The following MTR variants were observed in gnomAD, a reference collection of about 807,000 sequenced individuals.
MTR encodes methionine synthase.
A neutral mutation model predicts 154.8 loss-of-function variants in MTR; 84 were observed. That is an observed-to-expected ratio of 0.54 (90% confidence interval 0.45 to 0.65). The LOEUF (loss-of-function observed/expected upper bound fraction) is 0.65, where lower values mean the gene tolerates loss of function less well. Ranked by LOEUF, MTR falls within the 30% of genes least tolerant of loss-of-function variation. The pLI, the probability that MTR is intolerant of heterozygous loss-of-function variation, is 0.00. For synonymous variants in MTR, 554 were observed against 553.9 expected (o/e 1.00, Z 0.00); for missense variants, 1,275 against 1,570.2 (o/e 0.81, Z 3.18).
chr1:236,843,627 AT>A (rs904331037), intron 15 of MTR, among the ~76,000 whole-genome samples: 38 of 152,216 alleles, frequency 2.5e-4, no homozygotes, highest in African/African-American at 8.9e-4. Context: ...CAGATGAGAT[AT>A]GGTGATGGTT....
rs146647494 is a variant in MTR, at chr1:236,814,921, T to C, written c.610-683T>C. On this transcript the variant is annotated intron_variant, in intron 6 of 32. Transcript: ENST00000366577. The stretch of plus-strand genomic sequence containing the variant: ...CATCACAGGAAAGATGCACATTAAT[T>C]ACAGGTTGCATTCTGATTTCAGAGA... Among the ~76,000 whole-genome samples, 224 of 152,356 alleles carry C rather than the reference T, an allele frequency of 1.5e-3. 1 individual carries two copies. Among genetic ancestry groups the C allele is most frequent in the African/African-American group, 4.8e-3 (201 of 41,582 alleles).
intron 2 of MTR, among the ~76,000 whole-genome samples, chr1:236,804,689 C>T (rs1660878984): frequency 6.6e-6 from 1 of 152,046 alleles, no homozygotes; most frequent in Admixed American, 6.6e-5. Context: ...TAAAACAAAT[C>T]TCGTAGATAA....
intron 12 of MTR, among the ~76,000 whole-genome samples, chr1:236,829,604 C>G (rs1048448811): frequency 1.3e-5 from 2 of 152,162 alleles, no homozygotes; most frequent in Non-Finnish European, 2.9e-5. Context: ...CAGGTTGATA[C>G]TAGTTACTGA....
chr1:236,826,752 G>A, intron 10 of MTR, 77 bp from the exon 11 acceptor site: 5 of 1,144,906 alleles, frequency 4.4e-6, no homozygotes, highest in Non-Finnish European at 6.6e-6. Context: ...AGTATAGACG[G>A]CTTTTATGTT....
At chr1:236,873,633 C>G (rs1011090598) in intron 22 of MTR, 140 bp from the exon 23 acceptor site, 1 of 728,476 alleles carries the variant, frequency 1.4e-6, no homozygotes. Flanking sequence ...TGGTGGTAAT[C>G]CTCAATATTT....
chr1:236,875,200 A>G (rs1197191422), intron 24 of MTR, among the ~76,000 whole-genome samples: 1 of 152,218 alleles, frequency 6.6e-6, no homozygotes, highest in Non-Finnish European at 1.5e-5. Flanking sequence ...GCACAAAATC[A>G]TTACTTGAAC....
At chr1:236,884,797 G>C (rs1016310955) in intron 25 of MTR, among the ~76,000 whole-genome samples, 5 of 152,142 alleles carry the variant, frequency 3.3e-5, no homozygotes, top group African/African-American at 9.7e-5. Context: ...CCATAAATCA[G>C]ACTGTTAGCA....
chr1:236,829,281 G>A lies in MTR; in HGVS notation c.1075+13G>A. ...ATGTTACTGTCTGGTGAGTCATAAA[G>A]ACCTGGTATTCCTGATTGCAGAAAC... On this transcript the variant is annotated intron_variant, in intron 12 of 32. Coordinates refer to ENST00000366577, the MANE Select transcript of MTR (RefSeq NM_000254.3). The A allele has an allele frequency of 6.2e-7, 1 of 1,604,842 alleles. No individual in the cohort carries two copies. The highest frequency in any genetic ancestry group is 8.5e-7 in the Non-Finnish European group (1 of 1,171,644).
intron 22 of MTR, among the ~76,000 whole-genome samples, chr1:236,867,407 C>G (rs1235913080): frequency 2.6e-5 from 4 of 152,196 alleles, no homozygotes; most frequent in Admixed American, 2.6e-4. Flanking sequence ...AGATTCCTTT[C>G]AAAATATTAC....
At chr1:236,838,163 CA>C (rs1211199580) in intron 14 of MTR, among the ~76,000 whole-genome samples, 14 of 152,192 alleles carry the variant, frequency 9.2e-5, no homozygotes, top group Admixed American at 9.2e-4. Flanking sequence ...ACACTGATTT[CA>C]TTCTGATGTT....
intron 32 of MTR, 69 bp downstream of exon 32, chr1:236,897,187 AAATGTGAATGAG>A: frequency 8.5e-7 from 1 of 1,171,754 alleles, no homozygotes; most frequent in South Asian, 1.2e-5. Context: ...CTCTCATTTT[AAATGTGAATGAG>A]AATAAAGTGA....
chr1:236,859,799 T>A, intron 18 of MTR, 34 bp from the exon 19 acceptor site: 1 of 1,530,844 alleles, frequency 6.5e-7, no homozygotes, highest in Non-Finnish European at 9.1e-7. Flanking sequence ...TAGTGATGAG[T>A]TGTATCCATT....
chr1:236,826,714 T>C (rs1572220555), intron 10 of MTR, 115 bp from the exon 11 acceptor site: 1 of 818,134 alleles, frequency 1.2e-6, no homozygotes, highest in East Asian at 2.5e-5. Context: ...TTTGACTCTC[T>C]TTTTAGTATA....
chr1:236,856,032 A>AT (rs1357904835), intron 18 of MTR, among the ~76,000 whole-genome samples: 3 of 152,176 alleles, frequency 2.0e-5, no homozygotes, highest in Admixed American at 2.0e-4. Context: ...ATCAGGTGGG[A>AT]TAGTTTTTAG....
At chr1:236,871,183 C>T (rs1012674468) in intron 22 of MTR, among the ~76,000 whole-genome samples, 1 of 152,112 alleles carries the variant, frequency 6.6e-6, no homozygotes, top group Non-Finnish European at 1.5e-5. Context: ...CTTCCCGGAC[C>T]CCACCCCTGG....
intron 5 of MTR, among the ~76,000 whole-genome samples, chr1:236,811,822 TAGAA>T (rs1466433883): frequency 1.3e-5 from 2 of 152,222 alleles, no homozygotes; most frequent in African/African-American, 4.8e-5. Context: ...TAATGTTGAT[TAGAA>T]AGAAAATACT....
intron 16 of MTR, among the ~76,000 whole-genome samples, chr1:236,850,766 AG>A (rs1449954944): frequency 6.6e-6 from 1 of 152,162 alleles, no homozygotes; most frequent in Non-Finnish European, 1.5e-5. Context: ...AGGAGGGTGG[AG>A]GTTGCATTGA....
At chr1:236,823,461 G>A (rs921070984) in intron 8 of MTR, among the ~76,000 whole-genome samples, 35 of 152,148 alleles carry the variant, frequency 2.3e-4, no homozygotes, top group African/African-American at 8.2e-4. Context: ...AGATTTCAAG[G>A]ATTTTCCACT....
Position 236,901,059 on chromosome 1 carries a change from TG to T in MTR, c.*3417del. On this transcript the variant is annotated 3_prime_UTR_variant, in exon 33 of 33. Transcript: ENST00000366577. ...TGGAGCATATGAGGAGAAGAGAATC[TG>T]GAGGAGGAGGAGGGGGAGCCAGCAG... 6.5e-6 allele frequency: 1 copy of T among 153,280 alleles called. No individual in the cohort carries two copies. The highest frequency in any genetic ancestry group is 1.5e-5 in the Non-Finnish European group (1 of 68,324). The allele number at this position is 153,280 out of a possible 1,614,324, so 9.5% of individuals were successfully genotyped here.
Sources: gnomAD v4.1 joint callset for allele counts (sites outside exome capture counted in the v4.1 genomes callset) on GRCh38, gnomAD v4.1.1 for gene constraint, MANE v1.5 for transcripts, NCBI Gene and HGNC (gene_info 2026-07-23, HGNC 2026-07-21) for gene names.